The following KYAT3 variants were observed in gnomAD, a reference collection of about 807,000 sequenced individuals.
KYAT3 encodes the protein kynurenine--oxoglutarate transaminase 3.
A neutral mutation model predicts 59.0 loss-of-function variants in KYAT3; 50 were observed. That is an observed-to-expected ratio of 0.85 (90% CI 0.68 to 1.07). The LOEUF is 1.07. KYAT3 is among the 50% of genes least tolerant of loss of function. KYAT3 has a pLI of 0.00. For missense variants in KYAT3, 497 were observed against 533.3 expected (o/e 0.93, Z 0.67); for synonymous variants, 148 against 177.0 (o/e 0.84, Z 1.30).
intron 13 of KYAT3, among the ~76,000 whole-genome samples, chr1:88,940,263 G>A (rs2101013597): frequency 6.6e-6 from 1 of 152,034 alleles, no homozygotes; most frequent in Admixed American, 6.6e-5. Context: ...GTAGAGATGG[G>A]GTTTCACCAT....
intron 2 of KYAT3, chr1:88,983,303 C>T (rs777023602): frequency 1.9e-6 from 3 of 1,614,078 alleles, no homozygotes; most frequent in South Asian, 2.2e-5. Flanking sequence ...TCCCATTCCA[C>T]TGCTGCTGCG....
At chr1:88,954,052 C>G (rs1675801987) in intron 9 of KYAT3, among the ~76,000 whole-genome samples, 1 of 152,086 alleles carries the variant, frequency 6.6e-6, no homozygotes, top group Admixed American at 6.5e-5. Context: ...CAGGCATGCG[C>G]CACCACGCCC....
intron 13 of KYAT3, among the ~76,000 whole-genome samples, chr1:88,939,408 G>T (rs767526166): frequency 1.1e-4 from 16 of 152,124 alleles, no homozygotes; most frequent in Non-Finnish European, 2.2e-4. Context: ...CACACTATCT[G>T]CCAATATTGA....
intron 5 of KYAT3, 50 bp downstream of exon 5, chr1:88,964,779 C>T: frequency 7.3e-7 from 1 of 1,368,058 alleles, no homozygotes; most frequent in Non-Finnish European, 1.0e-6. Flanking sequence ...AAAGGTGGGA[C>T]AAATGATAAT....
intron 2 of KYAT3, among the ~76,000 whole-genome samples, chr1:88,978,169 T>C (rs1413990656): frequency 6.6e-6 from 1 of 152,188 alleles, no homozygotes; most frequent in Non-Finnish European, 1.5e-5. Flanking sequence ...ACATTTAGTA[T>C]TAATTCATTC....
chr1:88,991,723 C>T (rs771198093), intron 1 of KYAT3, among the ~76,000 whole-genome samples: 10 of 152,208 alleles, frequency 6.6e-5, no homozygotes, highest in Admixed American at 2.0e-4. Flanking sequence ...ATAAACTTCT[C>T]CAGAAGGAAA....
downstream of KYAT3, among the ~76,000 whole-genome samples, chr1:88,932,065 C>G (rs933377977): frequency 6.6e-6 from 1 of 152,084 alleles, no homozygotes; most frequent in Non-Finnish European, 1.5e-5. Context: ...AGGGTGCACG[C>G]AGAAATTCTA....
chr1:88,930,689 CT>C, the KYAT3 span, among the ~76,000 whole-genome samples: 4 of 152,194 alleles, frequency 2.6e-5, no homozygotes, highest in African/African-American at 9.7e-5. Flanking sequence ...TATACAGACT[CT>C]TAAGTATGCT....
At chr1:88,985,167 C>T (rs1677374981) in intron 2 of KYAT3, among the ~76,000 whole-genome samples, 2 of 152,136 alleles carry the variant, frequency 1.3e-5, no homozygotes, top group African/African-American at 4.8e-5. Context: ...GAACAAAAAG[C>T]CTGGTTTATT....
At chr1:88,959,203 G>A (rs1221764476) in intron 8 of KYAT3, among the ~76,000 whole-genome samples, 2 of 151,648 alleles carry the variant, frequency 1.3e-5, no homozygotes, top group Non-Finnish European at 2.9e-5. Flanking sequence ...TTGCTTGAAA[G>A]CAAAAGTTTG....
chr1:88,979,250 CTTT>C (rs1676951894), intron 2 of KYAT3, among the ~76,000 whole-genome samples: 1 of 152,122 alleles, frequency 6.6e-6, no homozygotes, highest in Admixed American at 6.6e-5. Flanking sequence ...GTTTGCATTT[CTTT>C]ACTTGAGACT....
At chr1:88,958,160 A>T (rs1259624473) in intron 8 of KYAT3, among the ~76,000 whole-genome samples, 1 of 152,158 alleles carries the variant, frequency 6.6e-6, no homozygotes, top group Non-Finnish European at 1.5e-5. Context: ...ACCCAAACTC[A>T]GCAAGTTTAA....
At position 88,957,417 on chromosome 1, in the gene KYAT3, A is replaced by C. The variant is rs370821350; in HGVS notation, c.788-2192T>G. The stretch of plus-strand genomic sequence containing the variant: ...GCAGATTATCACTTCCTTTAAAGTA[A>C]AGGATACATCATATATTAAAGGACT... On this transcript the variant is annotated intron_variant, in intron 8 of 13. Coordinates refer to ENST00000260508, the MANE Select transcript of KYAT3 (RefSeq NM_001008661.3). 2.2e-4 allele frequency among the ~76,000 whole-genome samples: 34 copies of C among 152,186 alleles called. 4 individuals carry two copies. The highest frequency in any genetic ancestry group is 1.8e-3 in the Admixed American group (27 of 15,280).
At chr1:88,964,055 T>C (rs970741936) in intron 5 of KYAT3, among the ~76,000 whole-genome samples, 2 of 152,204 alleles carry the variant, frequency 1.3e-5, no homozygotes, top group African/African-American at 4.8e-5. Context: ...ATACAAAAAT[T>C]AGCTGGGCTT....
intron 13 of KYAT3, among the ~76,000 whole-genome samples, chr1:88,938,281 C>T (rs1675111391): frequency 6.6e-6 from 1 of 152,204 alleles, no homozygotes; most frequent in Non-Finnish European, 1.5e-5. Flanking sequence ...CAGTTTTTCT[C>T]TCCAGAGACA....
chr1:88,936,351 C>A, intron 13 of KYAT3, 106 bp from the exon 14 acceptor site: 2 of 857,032 alleles, frequency 2.3e-6, no homozygotes, highest in Non-Finnish European at 3.5e-6. Flanking sequence ...AATATCTGAT[C>A]TCAAGTGAAG....
At chr1:88,984,997 T>C (rs1386751443) in intron 2 of KYAT3, among the ~76,000 whole-genome samples, 2 of 152,270 alleles carry the variant, frequency 1.3e-5, no homozygotes, top group Non-Finnish European at 2.9e-5. Flanking sequence ...TTCATTTTTA[T>C]ATTTGTATGA....
Position 88,981,507 on chromosome 1 carries a change from C to T in KYAT3, c.99+6745G>A, listed in dbSNP as rs1677088650. 3 of 155,542 alleles carry T rather than the reference C, an allele frequency of 1.9e-5. No homozygotes were observed. The Admixed American group carries it at 2.0e-4, about 10-fold the overall frequency. 9.6% of individuals were successfully genotyped at this position (155,542 alleles called of 1,614,324 possible). The stretch of plus-strand genomic sequence containing the variant: ...CAATTACTTAAGTAACTACCACTCA[C>T]TCCCTAGTTATGAGTGTTAATCAAC... On this transcript the variant is annotated intron_variant, in intron 2 of 13. Coordinates refer to ENST00000260508, the MANE Select transcript of KYAT3 (RefSeq NM_001008661.3).
chr1:88,982,041 A>G, intron 2 of KYAT3: 1 of 979,770 alleles, frequency 1.0e-6, no homozygotes, highest in African/African-American at 1.8e-5. Flanking sequence ...GTGGGAGGGG[A>G]AAGGGGAGGT....
Sources: allele counts gnomAD v4.1 joint callset (sites outside exome capture counted in the v4.1 genomes callset), GRCh38; gene constraint gnomAD v4.1.1; transcripts MANE v1.5; gene names NCBI Gene and HGNC (gene_info 2026-07-23, HGNC 2026-07-21).